Variants in HADHB observed in about 807,000 individuals in gnomAD.
The protein encoded by HADHB is hydroxyacyl-CoA dehydrogenase trifunctional multienzyme complex subunit beta.
HADHB carries 50 observed loss-of-function variants against 61.9 expected under a neutral mutation model. The ratio of observed to expected loss-of-function variants is 0.81; its 90% CI spans 0.64 to 1.02. The LOEUF (loss-of-function observed/expected upper bound fraction) is 1.02, where lower values mean the gene tolerates loss of function less well. Among genes scored for constraint, HADHB ranks in the 50% least tolerant of loss-of-function variants. HADHB has a pLI of 0.00. For synonymous variants in HADHB, 191 were observed against 201.6 expected (o/e 0.95, Z 0.45); for missense variants, 504 against 586.5 (o/e 0.86, Z 1.45).
intron 1 of HADHB, among the ~76,000 whole-genome samples, chr2:26,251,018 A>G (rs1671377646): frequency 7.2e-6 from 1 of 137,956 alleles, no homozygotes; most frequent in African/African-American, 2.5e-5. Flanking sequence ...CAGTGAATTC[A>G]TGGAATAATT....
At chr2:26,261,132 C>T in intron 3 of HADHB, 1 of 816,780 alleles carries the variant, frequency 1.2e-6, no homozygotes, top group South Asian at 1.5e-5. Flanking sequence ...TATGGCTTCC[C>T]CTTTGGCAGG....
intron 4 of HADHB, among the ~76,000 whole-genome samples, chr2:26,266,872 A>AAAAAAAAAAAAG (rs1672107252): frequency 1.4e-5 from 1 of 73,420 alleles, no homozygotes; most frequent in Non-Finnish European, 3.1e-5. Context: ...ACTCTCTCTC[A>AAAAAAAAAAAAG]AAAAAAAAAA....
intron 4 of HADHB, among the ~76,000 whole-genome samples, chr2:26,266,889 A>AAAAAAAG (rs1672108440): frequency 6.7e-6 from 1 of 150,202 alleles, no homozygotes; most frequent in African/African-American, 2.4e-5. Context: ...AAAAAAAAAA[A>AAAAAAAG]AAAAAGGATT....
rs1265498069 is a variant in HADHB at position 26,290,109 on chromosome 2, A to T, written c.*156A>T. On this transcript the variant is annotated 3_prime_UTR_variant, in exon 16 of 16. Coordinates refer to ENST00000317799, the MANE Select transcript of HADHB (RefSeq NM_000183.3). ...AAATAGTTTGCACTTAAGCCTTGCC[A>T]GTGTTCTGAGCTTTTCAATAATCAG... 8 of 711,428 alleles carry T rather than the reference A, an allele frequency of 1.1e-5. No homozygotes were observed. The East Asian group carries it at 2.1e-4, about 18-fold the overall frequency. 44.1% of individuals were successfully genotyped at this position (711,428 alleles called of 1,614,324 possible). A position where few individuals can be genotyped will look rare whatever the true frequency, so the allele number is the denominator to read the frequency against.
At chr2:26,281,479 G>A (rs1392292093) in intron 10 of HADHB, among the ~76,000 whole-genome samples, 1 of 152,198 alleles carries the variant, frequency 6.6e-6, no homozygotes, top group Non-Finnish European at 1.5e-5. Context: ...GAGCTGGTTA[G>A]GTTGGTCATT....
intron 5 of HADHB, among the ~76,000 whole-genome samples, chr2:26,272,814 T>G (rs1672399826): frequency 6.6e-6 from 1 of 152,100 alleles, no homozygotes; most frequent in African/African-American, 2.4e-5. Flanking sequence ...CCGGGTATAG[T>G]GGCTTACACC....
In HADHB at chr2:26,290,176, CAT is replaced by C; in HGVS notation, c.*224_*225del. The C allele has an allele frequency of 1.7e-6, 1 of 582,452 alleles. No homozygotes were observed. Among genetic ancestry groups the C allele is most frequent in the Non-Finnish European group, 3.1e-6 (1 of 324,276 alleles). The allele number at this position is 582,452 out of a possible 1,614,324, so 36.1% of individuals were successfully genotyped here. On this transcript the variant is annotated 3_prime_UTR_variant, in exon 16 of 16. Transcript: ENST00000317799. ...GGATTTCTAAGCCACCAGAATCTCA[CAT>C]GAGATGTGTGGGTGGTTGTTTTTGG...
At chr2:26,267,445 A>G (rs927779870) in intron 4 of HADHB, among the ~76,000 whole-genome samples, 11 of 152,366 alleles carry the variant, frequency 7.2e-5, no homozygotes, top group East Asian at 3.9e-4. Flanking sequence ...ATAAATTGCA[A>G]TAGTATTGGA....
chr2:26,261,218 C>CA (rs1558346172), intron 3 of HADHB: 2 of 474,890 alleles, frequency 4.2e-6, no homozygotes, highest in Non-Finnish European at 7.5e-6. Flanking sequence ...AAATACCCCC[C>CA]CCCCATCCAG....
At position 26,256,749 on chromosome 2, in the gene HADHB, A is replaced by G. The variant is rs183744023; in HGVS notation, c.109+2275A>G. ...TCGTGGCAGAGTAGGCCTACAACCC[A>G]GATATTTTAGCTCTCAATTCAGATT... On this transcript the variant is annotated intron_variant, in intron 3 of 15. Coordinates refer to ENST00000317799, the MANE Select transcript of HADHB (RefSeq NM_000183.3). Among the ~76,000 whole-genome samples the G allele has an allele frequency of 2.8e-4, 42 of 152,298 alleles. No homozygotes were observed. The East Asian group carries it at 7.1e-3, about 26-fold the overall frequency.
intron 3 of HADHB, among the ~76,000 whole-genome samples, chr2:26,255,258 G>A: frequency 6.6e-6 from 1 of 152,162 alleles, no homozygotes; most frequent in East Asian, 1.9e-4. Context: ...CCAGCACTTT[G>A]GGAGGCTGAG....
intron 5 of HADHB, among the ~76,000 whole-genome samples, chr2:26,271,443 G>GT (rs1407405489): frequency 1.3e-5 from 2 of 151,998 alleles, no homozygotes; most frequent in Non-Finnish European, 2.9e-5. Context: ...GGAGGCAGAG[G>GT]TTGCAGTGAG....
rs973606637 is a variant in HADHB at position 26,274,483 on chromosome 2, A to G, written c.354+733A>G. Among the ~76,000 whole-genome samples the G allele has an allele frequency of 6.6e-5, 10 of 152,336 alleles. No individual in the cohort carries two copies. The East Asian group carries it at 1.3e-3, about 21-fold the overall frequency. On this transcript the variant is annotated intron_variant, in intron 6 of 15. Transcript: ENST00000317799. Reference sequence around the variant, plus strand: ...CAGTATCACTGTCAACTGAGAGACAAGGGCACATGAGCAGGACTGAAAGTA... The same window carrying G: ...CAGTATCACTGTCAACTGAGAGACAGGGGCACATGAGCAGGACTGAAAGTA...
chr2:26,277,838 A>G (rs997410566), intron 7 of HADHB, among the ~76,000 whole-genome samples: 4 of 152,222 alleles, frequency 2.6e-5, no homozygotes. Context: ...ATATTTTCCC[A>G]CAAAGATATG....
At position 26,283,018 on chromosome 2, in the gene HADHB, T is replaced by G. The variant is rs1436467631; in HGVS notation, c.1028T>G (p.Val343Gly). ...TTTTTACCTAGGGATTTTATGTATG[T>G]GTCTCAGGATCCAAAAGATCAACTA... ...PKAYLRDFMY[V>G]SQDPKDQLLL... The change falls in exon 12 of 16, where the codon GTG becomes GGG. Residue 343 changes from valine to glycine, a missense_variant. By Grantham distance (109) the Val-to-Gly change is moderately radical (BLOSUM62 -3). Coordinates refer to ENST00000317799, the MANE Select transcript of HADHB (RefSeq NM_000183.3). 2 of 1,609,264 alleles carry G rather than the reference T, an allele frequency of 1.2e-6. No individual in the cohort carries two copies. The highest frequency in any genetic ancestry group is 8.5e-7 in the Non-Finnish European group (1 of 1,175,474).
At chr2:26,260,144 T>G (rs1050855652) in intron 3 of HADHB, among the ~76,000 whole-genome samples, 3 of 149,256 alleles carry the variant, frequency 2.0e-5, no homozygotes, top group Non-Finnish European at 4.4e-5. Flanking sequence ...TGCAGTGGCA[T>G]GATCTCAGCT....
chr2:26,253,768 G>A (rs969687525), intron 1 of HADHB, among the ~76,000 whole-genome samples: 4 of 151,670 alleles, frequency 2.6e-5, no homozygotes, highest in African/African-American at 4.8e-5. Context: ...CAGGAGAATC[G>A]ACTGAACCTG....
At chr2:26,259,076 G>A (rs141192075) in intron 3 of HADHB, among the ~76,000 whole-genome samples, 1 of 152,288 alleles carries the variant, frequency 6.6e-6, no homozygotes, top group African/African-American at 2.4e-5. Flanking sequence ...ACCCTAGCTT[G>A]AAAATCCCCT....
intron 3 of HADHB, among the ~76,000 whole-genome samples, chr2:26,259,421 AG>A (rs2147806075): frequency 6.6e-6 from 1 of 152,332 alleles, no homozygotes; most frequent in East Asian, 1.9e-4. Context: ...CTCCCCTTCC[AG>A]GAACGTCTTG....
Sources: gnomAD v4.1 joint callset for allele counts (sites outside exome capture counted in the v4.1 genomes callset) on GRCh38, gnomAD v4.1.1 for gene constraint, MANE v1.5 for transcripts, NCBI Gene and HGNC (gene_info 2026-07-23, HGNC 2026-07-21) for gene names.